CSMD3: variants seen among roughly 807,000 people sequenced by gnomAD.
CSMD3 encodes the protein CUB and sushi domain-containing protein 3.
In CSMD3, 177 loss-of-function variants were observed where a neutral mutation model predicts 435.2. The ratio of observed to expected loss-of-function variants is 0.41; its 90% CI spans 0.36 to 0.46. The LOEUF is 0.46. Among genes scored for constraint, CSMD3 ranks in the 20% least tolerant of loss-of-function variants. The probability of loss-of-function intolerance (pLI) is 0.34; values close to 1 mark genes in which losing one functional copy is unlikely to be tolerated. For synonymous variants in CSMD3, 1,656 were observed against 1,520.5 expected (o/e 1.09, Z -2.07); for missense variants, 4,265 against 4,504.6 (o/e 0.95, Z 1.52).
At chr8:112,241,603 A>G (rs1379987523) in intron 66 of CSMD3, 117 bp downstream of exon 66, 61 of 716,492 alleles carry the variant, frequency 8.5e-5, no homozygotes, top group Non-Finnish European at 2.5e-5. Context: ...CAAATTCAAG[A>G]CAGTCATAGT....
intron 1 of CSMD3, among the ~76,000 whole-genome samples, chr8:113,317,113 A>G (rs1294341523): frequency 6.6e-6 from 1 of 152,156 alleles, no homozygotes; most frequent in Non-Finnish European, 1.5e-5. Context: ...AAAAAAAATC[A>G]ATATTTGTGT....
chr8:112,236,742 G>T (rs954242314), intron 67 of CSMD3, among the ~76,000 whole-genome samples: 5 of 152,208 alleles, frequency 3.3e-5, no homozygotes, highest in African/African-American at 1.2e-4. Flanking sequence ...GTTCCCTTAT[G>T]CCTATTTAAA....
At chr8:113,076,199 A>T (rs2131428229) in intron 5 of CSMD3, among the ~76,000 whole-genome samples, 1 of 151,280 alleles carries the variant, frequency 6.6e-6, no homozygotes, top group African/African-American at 2.4e-5. Context: ...AATGGATACT[A>T]GATAGATAGC....
intron 36 of CSMD3, among the ~76,000 whole-genome samples, chr8:112,389,243 A>G (rs1262536611): frequency 1.3e-5 from 2 of 152,196 alleles, no homozygotes; most frequent in African/African-American, 2.4e-5. Context: ...TTAGATGGAA[A>G]TAAGTAAGCT....
At chr8:112,865,786 C>T (rs2080964548) in intron 10 of CSMD3, among the ~76,000 whole-genome samples, 1 of 151,024 alleles carries the variant, frequency 6.6e-6, no homozygotes, top group Non-Finnish European at 1.5e-5. Context: ...AAAGCAAGAA[C>T]TTGGTTTTGT....
chr8:112,382,046 A>C (rs1472490682), intron 37 of CSMD3, among the ~76,000 whole-genome samples: 1 of 152,122 alleles, frequency 6.6e-6, no homozygotes, highest in Non-Finnish European at 1.5e-5. Context: ...GGAGGCTGTA[A>C]GACAGGAGGA....
chr8:113,388,876 G>A (rs914379112), intron 1 of CSMD3, among the ~76,000 whole-genome samples: 7 of 151,488 alleles, frequency 4.6e-5, no homozygotes, highest in African/African-American at 1.7e-4. Context: ...TAAAATACCT[G>A]CTTATCATGA....
At chr8:113,120,797 T>C (rs1021969776) in intron 4 of CSMD3, among the ~76,000 whole-genome samples, 2 of 152,164 alleles carry the variant, frequency 1.3e-5, no homozygotes, top group Non-Finnish European at 2.9e-5. Context: ...ACTAATTTTA[T>C]GGAGTCCAAA....
chr8:112,234,259 T>A (rs1295926763), intron 68 of CSMD3, 106 bp downstream of exon 68: 2 of 704,088 alleles, frequency 2.8e-6, no homozygotes, highest in African/African-American at 3.6e-5. Context: ...TATATATGTA[T>A]GTGTATGTAT....
At chr8:112,773,296 T>G (rs1378183246) in intron 13 of CSMD3, among the ~76,000 whole-genome samples, 1 of 152,064 alleles carries the variant, frequency 6.6e-6, no homozygotes, top group East Asian at 1.9e-4. Context: ...AGAACTATTA[T>G]TTACAAGTAT....
intron 10 of CSMD3, among the ~76,000 whole-genome samples, chr8:112,917,245 C>T (rs1426480318): frequency 2.0e-5 from 3 of 151,860 alleles, no homozygotes; most frequent in African/African-American, 7.2e-5. Flanking sequence ...GTCTACTGTC[C>T]ATGAAATGAT....
At chr8:113,147,751 A>G (rs1348775155) in intron 4 of CSMD3, among the ~76,000 whole-genome samples, 2 of 151,612 alleles carry the variant, frequency 1.3e-5, no homozygotes, top group Non-Finnish European at 3.0e-5. Context: ...CCTCATTTCA[A>G]TGAATGGTCC....
intron 1 of CSMD3, among the ~76,000 whole-genome samples, chr8:113,315,647 T>A (rs993047993): frequency 2.7e-5 from 4 of 148,246 alleles, no homozygotes; most frequent in Non-Finnish European, 5.9e-5. Context: ...CAAATGTATA[T>A]TAAATATATA....
chr8:112,567,144 T>A (rs1291492763), intron 24 of CSMD3, among the ~76,000 whole-genome samples: 2 of 152,154 alleles, frequency 1.3e-5, no homozygotes, highest in African/African-American at 4.8e-5. Flanking sequence ...TTCTCCTTGC[T>A]CATTTAGCTA....
chr8:112,899,034 A>C (rs2082028409), intron 10 of CSMD3, among the ~76,000 whole-genome samples: 1 of 151,278 alleles, frequency 6.6e-6, no homozygotes, highest in African/African-American at 2.4e-5. Context: ...GCATAAGATC[A>C]ATGAGCTTAA....
intron 19 of CSMD3, among the ~76,000 whole-genome samples, chr8:112,646,192 T>C (rs2074974625): frequency 1.3e-5 from 2 of 152,212 alleles, no homozygotes; most frequent in African/African-American, 4.8e-5. Flanking sequence ...CTACAGTCTC[T>C]ACTTCAAAGG....
chr8:113,270,821 G>T (rs1220370992), intron 3 of CSMD3, among the ~76,000 whole-genome samples: 1 of 149,338 alleles, frequency 6.7e-6, no homozygotes, highest in Admixed American at 6.7e-5. Context: ...ACCGGGGCCT[G>T]TTGTGGGGTG....
At chr8:113,153,819 T>C (rs544585237) in intron 4 of CSMD3, among the ~76,000 whole-genome samples, 1 of 152,182 alleles carries the variant, frequency 6.6e-6, no homozygotes, top group East Asian at 1.9e-4. Flanking sequence ...TTGGAGTCCA[T>C]GGTAAAAAAT....
At chr8:113,320,295 T>G (rs1349788167) in intron 1 of CSMD3, among the ~76,000 whole-genome samples, 1 of 152,080 alleles carries the variant, frequency 6.6e-6, no homozygotes, top group Non-Finnish European at 1.5e-5. Flanking sequence ...AAATTAACAG[T>G]GTACTTACAG....
Sources: allele counts gnomAD v4.1 joint callset (sites outside exome capture counted in the v4.1 genomes callset), GRCh38; gene constraint gnomAD v4.1.1; transcripts MANE v1.5; gene names NCBI Gene and HGNC (gene_info 2026-07-23, HGNC 2026-07-21).